Variants in LRRC43 observed in about 807,000 individuals in gnomAD.
The protein encoded by LRRC43 is leucine-rich repeat-containing protein 43.
In LRRC43, 62 loss-of-function variants were observed where a neutral mutation model predicts 64.3. The observed-to-expected ratio is 0.96, with a 90% CI of 0.79 to 1.19. The LOEUF (loss-of-function observed/expected upper bound fraction) is 1.19. Among genes scored for constraint, LRRC43 ranks in the 50% most tolerant of loss-of-function variants. LRRC43 has a pLI of 0.00. For missense variants in LRRC43, 868 were observed against 845.0 expected (o/e 1.03, Z -0.34); for synonymous variants, 422 against 382.3 (o/e 1.10, Z -1.21).
intron 1 of LRRC43, among the ~76,000 whole-genome samples, chr12:122,170,500 G>A (rs796759152): frequency 3.4e-4 from 52 of 152,066 alleles, no homozygotes; most frequent in African/African-American, 9.2e-4. Context: ...GCGTGGTGGC[G>A]GGCGCCTGTA....
At chr12:122,181,125 G>C (rs192766629), upstream of LRRC43, among the ~76,000 whole-genome samples, 357 of 152,122 alleles carry the variant, frequency 2.3e-3, 3 homozygotes, top group Non-Finnish European at 1.2e-3. Flanking sequence ...GGCTGAGGTG[G>C]GAGGACCGCT....
intron 5 of LRRC43, 128 bp from the exon 6 acceptor site, chr12:122,191,252 C>T (rs1276171247): frequency 6.3e-5 from 46 of 733,992 alleles, no homozygotes; most frequent in East Asian, 5.2e-4. Flanking sequence ...TGAACCTGAC[C>T]GCCCCACCAA....
rs143531986 is a variant in LRRC43, at chr12:122,170,803, A to AAG, written c.-406+3022_-406+3023insGA. Reference sequence around the variant, plus strand: ...CCTCAGTTTCCCCCGAGATAAGATGAATATATAGGTGCTGGTAGACTCAAG... The same window carrying AAG: ...CCTCAGTTTCCCCCGAGATAAGATGAAGATATATAGGTGCTGGTAGACTCAAG... On this transcript the variant is annotated intron_variant, in intron 1 of 5. Transcript: ENST00000537729. 1.4e-4 allele frequency among the ~76,000 whole-genome samples: 21 copies of AAG among 152,060 alleles called. No homozygotes were observed. In the East Asian group the frequency reaches 4.1e-3, roughly 29 times the overall value.
Position 122,174,199 on chromosome 12 carries a change from G to A in LRRC43, c.-406+6417G>A, listed in dbSNP as rs150682176. 2.9e-4 allele frequency: 469 copies of A among 1,614,058 alleles called. 2 individuals are homozygous for A. The African/African-American group carries it at 5.8e-3, about 20-fold the overall frequency. ...GCGAGAGAGAGCAAGGCCAGCTTCA[G>A]TGGGGGCTTCTGGAGCCAGATGTGT... On this transcript the variant is annotated intron_variant, in intron 1 of 5. Transcript: ENST00000537729.
At chr12:122,189,309 G>A (rs1342038260) in intron 4 of LRRC43, 3 of 410,080 alleles carry the variant, frequency 7.3e-6, no homozygotes, top group South Asian at 3.5e-5. Context: ...GCCCTTGGGG[G>A]GTCCAACCCT....
chr12:122,183,016 G>T (rs1439960943), upstream of LRRC43: 107 of 1,367,442 alleles, frequency 7.8e-5, no homozygotes, highest in Middle Eastern at 1.1e-3. Flanking sequence ...AAGAGAAAAC[G>T]CAGGTGGTTG....
chr12:122,175,240 G>A (rs1953527128), intron 1 of LRRC43, among the ~76,000 whole-genome samples: 1 of 151,708 alleles, frequency 6.6e-6, no homozygotes, highest in South Asian at 2.1e-4. Flanking sequence ...CGCAATCTCG[G>A]CTCACTGCAA....
chr12:122,189,083 T>C (rs1953682283), intron 4 of LRRC43, among the ~76,000 whole-genome samples: 1 of 152,038 alleles, frequency 6.6e-6, no homozygotes, highest in Non-Finnish European at 1.5e-5. Context: ...TTCAACTTGA[T>C]CTCCTCAGTG....
chr12:122,191,608 T>C lies in LRRC43; in HGVS notation c.1089+41T>C, dbSNP rs753549247. On this transcript the variant is annotated intron_variant, in intron 6 of 11. Transcript: ENST00000339777. ...TCCCTAGGAGTATGGGGGGCTCTTG[T>C]GAAGGCTGAACTGCTTTGTGGGCCC... 3 of 1,527,730 alleles carry C rather than the reference T, an allele frequency of 2.0e-6. No individual in the cohort carries two copies. In the Admixed American group the frequency reaches 5.6e-5, roughly 28 times the overall value. 94.6% of individuals were successfully genotyped at this position (1,527,730 alleles called of 1,614,324 possible).
intron 7 of LRRC43, among the ~76,000 whole-genome samples, chr12:122,193,722 G>A (rs1033581004): frequency 6.6e-6 from 1 of 152,092 alleles, no homozygotes; most frequent in Non-Finnish European, 1.5e-5. Context: ...ACCATGCCCA[G>A]CTAATTTTTA....
chr12:122,187,322 G>A (rs1035983525), intron 3 of LRRC43: 7 of 165,668 alleles, frequency 4.2e-5, no homozygotes, highest in Admixed American at 1.9e-4. Flanking sequence ...GTGAGGCCGT[G>A]GATAAGAACT....
chr12:122,201,021 G>C (rs1387624817), intron 10 of LRRC43, 87 bp downstream of exon 10: 1 of 1,461,268 alleles, frequency 6.8e-7, no homozygotes. Flanking sequence ...TGTGGGCCCA[G>C]GTCACGGGAT....
intron 2 of LRRC43, among the ~76,000 whole-genome samples, chr12:122,185,352 G>A (rs1434412529): frequency 3.9e-5 from 6 of 152,132 alleles, no homozygotes; most frequent in Admixed American, 3.9e-4. Flanking sequence ...GTGCACGCCT[G>A]TAGCCCCAGC....
At position 122,190,357 on chromosome 12, in the gene LRRC43, G is replaced by A. The variant is rs952812974; in HGVS notation, c.890G>A (p.Ser297Asn). ...PNEKHLFRGL[S>N]LNGDLLAQEA... ...GAGAAGCATCTCTTCCGGGGGCTCA[G>A]CCTCAATGGCGGTGAGGGTACTGGC... Residue 297 changes from serine to asparagine, a missense_variant, in exon 5 of 12, where the codon AGC becomes AAC. Physicochemically the swap from Ser to Asn is conservative, Grantham distance 46. Coordinates refer to ENST00000339777, the MANE Select transcript of LRRC43 (RefSeq NM_001098519.2). 18 of 1,613,386 alleles carry A rather than the reference G, an allele frequency of 1.1e-5. 1 individual carries two copies. The highest frequency in any genetic ancestry group is 1.6e-4 in the Middle Eastern group (1 of 6,080).
upstream of LRRC43, among the ~76,000 whole-genome samples, chr12:122,180,475 C>T (rs768404988): frequency 1.2e-4 from 19 of 152,184 alleles, no homozygotes; most frequent in East Asian, 1.9e-4. Context: ...GCCAAGATTG[C>T]GCCACTGCAC....
Position 122,201,413 on chromosome 12 carries a change from A to G in LRRC43, c.1843+84A>G, listed in dbSNP as rs369355562. 1.3e-5 allele frequency: 17 copies of G among 1,263,020 alleles called. No individual in the cohort carries two copies. The African/African-American group carries it at 1.9e-4, about 14-fold the overall frequency. The allele number at this position is 1,263,020 out of a possible 1,614,324, so 78.2% of individuals were successfully genotyped here. A position where few individuals can be genotyped will look rare whatever the true frequency, so the allele number is the denominator to read the frequency against. ...AGCCCTGGGGGAGGCCAAAGGAACC[A>G]AAGGGTGGGGAATGGTAGCTTCTGG... On this transcript the variant is annotated intron_variant, in intron 11 of 11. Coordinates refer to ENST00000339777, the MANE Select transcript of LRRC43 (RefSeq NM_001098519.2).
At chr12:122,179,501 A>C (rs1953564416), upstream of LRRC43, among the ~76,000 whole-genome samples, 1 of 152,042 alleles carries the variant, frequency 6.6e-6, no homozygotes, top group Admixed American at 6.6e-5. Context: ...AGCGTGTAGG[A>C]AGGAACTACA....
chr12:122,175,913 C>T (rs962156457), intron 1 of LRRC43, among the ~76,000 whole-genome samples: 7 of 152,106 alleles, frequency 4.6e-5, no homozygotes, highest in African/African-American at 1.4e-4. Context: ...GTGATCTGCC[C>T]GCCTCAGATT....
At chr12:122,190,787 C>G (rs561619522) in intron 5 of LRRC43, among the ~76,000 whole-genome samples, 1 of 151,442 alleles carries the variant, frequency 6.6e-6, no homozygotes, top group African/African-American at 2.4e-5. Context: ...CTTTTGAACC[C>G]GGGAGGTGGA....
Sources: gnomAD v4.1 joint callset for allele counts (sites outside exome capture counted in the v4.1 genomes callset) on GRCh38, gnomAD v4.1.1 for gene constraint, MANE v1.5 for transcripts, NCBI Gene and HGNC (gene_info 2026-07-23, HGNC 2026-07-21) for gene names.